Variants in MPZL1 observed in about 807,000 individuals in gnomAD.
The protein encoded by MPZL1 is myelin protein zero-like protein 1.
A neutral mutation model predicts 29.3 loss-of-function variants in MPZL1; 16 were observed. The ratio of observed to expected loss-of-function variants is 0.55; its 90% confidence interval spans 0.37 to 0.83. MPZL1 has a LOEUF of 0.83. Among genes scored for constraint, MPZL1 ranks in the 40% least tolerant of loss-of-function variants. MPZL1 has a pLI of 0.00. For missense variants in MPZL1, 279 were observed against 332.9 expected, an observed-to-expected ratio of 0.84 and a Z score of 1.26; for synonymous variants, 143 against 132.0, an observed-to-expected ratio of 1.08 and a Z score of -0.57.
At chr1:167,749,019 C>A (rs986840002) in intron 1 of MPZL1, among the ~76,000 whole-genome samples, 1 of 152,106 alleles carries the variant, frequency 6.6e-6, no homozygotes, top group Non-Finnish European at 1.5e-5. Flanking sequence ...TGTTTCATAT[C>A]ACCCTTCTCA....
chr1:167,753,676 A>T (rs1660805035), intron 1 of MPZL1, among the ~76,000 whole-genome samples: 1 of 150,908 alleles, frequency 6.6e-6, no homozygotes, highest in Non-Finnish European at 1.5e-5. Context: ...CCCAGGCTGG[A>T]TGGAGTGCAG....
chr1:167,756,045 T>C (rs1660861941), intron 1 of MPZL1, among the ~76,000 whole-genome samples: 1 of 152,166 alleles, frequency 6.6e-6, no homozygotes, highest in South Asian at 2.1e-4. Context: ...AAGATCTTTG[T>C]TGGTACAAAA....
Position 167,789,414 on chromosome 1 carries a change from C to G in MPZL1, c.*1493C>G, listed in dbSNP as rs10125. 2.0e-5 allele frequency: 3 copies of G among 151,950 alleles called. No individual in the cohort carries two copies. Among genetic ancestry groups the G allele is most frequent in the Non-Finnish European group, 4.4e-5 (3 of 68,002 alleles). 9.4% of individuals were successfully genotyped at this position (151,950 alleles called of 1,614,324 possible). On this transcript the variant is annotated 3_prime_UTR_variant, in exon 6 of 6. Transcript: ENST00000359523. ...TGAGGGGCAATGTTACTTTTTCTCC[C>G]TGTAGTTTGGAGTCCATTATGAGCT...
At chr1:167,737,364 T>C (rs1006886962) in intron 1 of MPZL1, among the ~76,000 whole-genome samples, 3 of 152,196 alleles carry the variant, frequency 2.0e-5, no homozygotes, top group African/African-American at 7.2e-5. Context: ...AACTTTGTAC[T>C]GTAGACACTG....
intron 1 of MPZL1, among the ~76,000 whole-genome samples, chr1:167,761,978 G>A (rs984644703): frequency 2.0e-5 from 3 of 152,194 alleles, no homozygotes; most frequent in Non-Finnish European, 2.9e-5. Flanking sequence ...TTAGGGATCA[G>A]TGAACTCAGG....
chr1:167,742,736 A>C (rs1660558286), intron 1 of MPZL1, among the ~76,000 whole-genome samples: 1 of 152,134 alleles, frequency 6.6e-6, no homozygotes, highest in Non-Finnish European at 1.5e-5. Flanking sequence ...GGTTTTTCCA[A>C]TGTTCTCTTC....
chr1:167,777,520 T>G (rs993276866), intron 5 of MPZL1, among the ~76,000 whole-genome samples: 1 of 152,064 alleles, frequency 6.6e-6, no homozygotes, highest in Non-Finnish European at 1.5e-5. Flanking sequence ...AATCAGAATT[T>G]GGGGAGGTCA....
chr1:167,763,500 C>CAAA (rs199973930), intron 1 of MPZL1, among the ~76,000 whole-genome samples: 3 of 110,988 alleles, frequency 2.7e-5, no homozygotes, highest in Admixed American at 8.7e-5. Flanking sequence ...GACTCGGTCT[C>CAAA]AAAAAAAAAA....
intron 1 of MPZL1, among the ~76,000 whole-genome samples, chr1:167,724,173 G>A (rs1660096379): frequency 6.6e-6 from 1 of 152,210 alleles, no homozygotes; most frequent in Non-Finnish European, 1.5e-5. Context: ...GCTACTGGAG[G>A]AAGGGAGTTT....
intron 5 of MPZL1, among the ~76,000 whole-genome samples, chr1:167,777,477 G>C (rs1050433261): frequency 6.6e-6 from 1 of 152,108 alleles, no homozygotes; most frequent in Non-Finnish European, 1.5e-5. Flanking sequence ...ATGGAAACTG[G>C]GCCCAGCTGT....
intron 1 of MPZL1, among the ~76,000 whole-genome samples, chr1:167,749,619 A>T (rs1182205764): frequency 6.6e-6 from 1 of 152,230 alleles, no homozygotes; most frequent in Non-Finnish European, 1.5e-5. Context: ...TCACTAAGAG[A>T]CTATTCTTAT....
chr1:167,771,950 C>T (rs980654263), intron 2 of MPZL1, among the ~76,000 whole-genome samples: 7 of 152,128 alleles, frequency 4.6e-5, no homozygotes, highest in African/African-American at 1.7e-4. Context: ...ACGGCAAAAC[C>T]CCTCTCCACC....
chr1:167,742,120 C>A (rs1316133694), intron 1 of MPZL1, among the ~76,000 whole-genome samples: 1 of 151,768 alleles, frequency 6.6e-6, no homozygotes, highest in Non-Finnish European at 1.5e-5. Flanking sequence ...TGGCAAAACC[C>A]CGTCTCTACT....
chr1:167,760,189 G>A (rs1035425159), intron 1 of MPZL1, among the ~76,000 whole-genome samples: 2 of 152,066 alleles, frequency 1.3e-5, no homozygotes, highest in Middle Eastern at 3.4e-3. Context: ...TTTCTAGATA[G>A]GTTTCTTTTG....
In MPZL1 at chr1:167,788,714, A is replaced by C. The variant is rs193160724; in HGVS notation, c.*793A>C. 1 of 152,180 alleles carries C rather than the reference A, an allele frequency of 6.6e-6. No individual in the cohort carries two copies. The highest frequency in any genetic ancestry group is 2.4e-5 in the African/African-American group (1 of 41,430). The allele number at this position is 152,180 out of a possible 1,614,324, so 9.4% of individuals were successfully genotyped here. A position where few individuals can be genotyped will look rare whatever the true frequency, so the allele number is the denominator to read the frequency against. On this transcript the variant is annotated 3_prime_UTR_variant, in exon 6 of 6. Transcript: ENST00000359523. ...AACTTTTGTAACGTGGAGAGTAAAA[A>C]GTATCGGTTTTATTCTTTGCTGATG...
At position 167,776,048 on chromosome 1, in the gene MPZL1, A is replaced by G; in HGVS notation, c.606-16A>G. On this transcript the variant is annotated splice_polypyrimidine_tract_variant and intron_variant, in intron 4 of 5. Transcript: ENST00000359523. ...ATTATTTTTTACATTTGTTCTTCAAATTGCCAATTCATCAGCTGCAGTACA... is the reference window on the plus strand; with the variant it reads ...ATTATTTTTTACATTTGTTCTTCAAGTTGCCAATTCATCAGCTGCAGTACA... 1 of 1,539,918 alleles carries G rather than the reference A, an allele frequency of 6.5e-7. No individual in the cohort carries two copies. Among genetic ancestry groups the G allele is most frequent in the Non-Finnish European group, 8.8e-7 (1 of 1,136,470 alleles).
At position 167,791,759 on chromosome 1, in the gene MPZL1, G is replaced by GT. The variant is rs1431572255; in HGVS notation, c.*3840dup. 6.6e-6 allele frequency: 1 copy of GT among 152,188 alleles called. No homozygotes were observed. The highest frequency in any genetic ancestry group is 1.5e-5 in the Non-Finnish European group (1 of 68,038). 9.4% of individuals were successfully genotyped at this position (152,188 alleles called of 1,614,324 possible). On this transcript the variant is annotated 3_prime_UTR_variant, in exon 6 of 6. Transcript: ENST00000359523. ...TTTTCTCCCAGTCCCTTAGGAGCTGGTTAGAGAGTCCCTTAGGAACTTGAG... is the reference window on the plus strand; with the variant it reads ...TTTTCTCCCAGTCCCTTAGGAGCTGGTTTAGAGAGTCCCTTAGGAACTTGAG...
intron 1 of MPZL1, among the ~76,000 whole-genome samples, chr1:167,728,950 G>A (rs1191446315): frequency 6.6e-6 from 1 of 151,994 alleles, no homozygotes; most frequent in Non-Finnish European, 1.5e-5. Flanking sequence ...GATCTGGGGA[G>A]TTTATTACGT....
chr1:167,733,888 G>A (rs561934377), intron 1 of MPZL1, among the ~76,000 whole-genome samples: 37 of 151,796 alleles, frequency 2.4e-4, no homozygotes, highest in Non-Finnish European at 4.6e-4. Context: ...CTGCAACAGA[G>A]CAAGACCCTG....
Sources: allele counts gnomAD v4.1 joint callset (sites outside exome capture counted in the v4.1 genomes callset), GRCh38; gene constraint gnomAD v4.1.1; transcripts MANE v1.5; gene names NCBI Gene and HGNC (gene_info 2026-07-23, HGNC 2026-07-21).